Variants in SLC4A4 observed in about 807,000 individuals in gnomAD.
The protein encoded by SLC4A4 is solute carrier family 4 member 4.
A neutral mutation model predicts 111.5 loss-of-function variants in SLC4A4; 27 were observed. The ratio of observed to expected loss-of-function variants is 0.24; its 90% CI spans 0.18 to 0.33. The LOEUF is 0.33. Among genes scored for constraint, SLC4A4 ranks in the 10% least tolerant of loss-of-function variants. The pLI is 1.00. For synonymous variants in SLC4A4, 443 were observed against 463.4 expected (o/e 0.96, Z 0.57); for missense variants, 909 against 1,315.5 (o/e 0.69, Z 4.78).
intron 14 of SLC4A4, among the ~76,000 whole-genome samples, chr4:71,477,991 T>C (rs1728522827): frequency 6.6e-6 from 1 of 151,916 alleles, no homozygotes; most frequent in Non-Finnish European, 1.5e-5. Context: ...AAGAAATTTA[T>C]GCTGCCAACA....
chr4:71,192,287 T>C (rs1282540074), intron 1 of SLC4A4, among the ~76,000 whole-genome samples: 1 of 152,132 alleles, frequency 6.6e-6, no homozygotes, highest in Non-Finnish European at 1.5e-5. Flanking sequence ...ATTTGTCATG[T>C]TCCCCAGCAA....
chr4:71,144,838 G>A (rs1338008825), intron 2 of SLC4A4, among the ~76,000 whole-genome samples: 2 of 152,032 alleles, frequency 1.3e-5, no homozygotes, highest in African/African-American at 2.4e-5. Context: ...CAGCTTAAGG[G>A]GATTTTGGAC....
At chr4:71,085,666 C>A (rs181031862) in intron 1 of SLC4A4, among the ~76,000 whole-genome samples, 4 of 151,958 alleles carry the variant, frequency 2.6e-5, no homozygotes, top group African/African-American at 9.7e-5. Flanking sequence ...ATAGGGAATC[C>A]TTTCCCCATT....
intron 6 of SLC4A4, among the ~76,000 whole-genome samples, chr4:71,388,086 G>C (rs1037328096): frequency 6.6e-6 from 1 of 152,182 alleles, no homozygotes; most frequent in African/African-American, 2.4e-5. Context: ...TTACACCGTT[G>C]ATAGGTTTTC....
intron 2 of SLC4A4, among the ~76,000 whole-genome samples, chr4:71,147,148 T>C (rs1371686363): frequency 6.6e-6 from 1 of 152,190 alleles, no homozygotes; most frequent in African/African-American, 2.4e-5. Context: ...AAGAAGGCCA[T>C]TACATAATGG....
intron 2 of SLC4A4, among the ~76,000 whole-genome samples, chr4:71,176,010 G>A (rs1745084232): frequency 6.6e-6 from 1 of 152,138 alleles, no homozygotes; most frequent in Non-Finnish European, 1.5e-5. Flanking sequence ...AGCAACATTT[G>A]CTGTTCACCA....
rs969000345 is a variant in SLC4A4 at position 71,451,297 on chromosome 4, G to A, written c.1318G>A (p.Gly440Arg). ...GGATTGTGAAGAATTGCAGCGAACT[G>A]GACGGTAACTGACAGTTTCCTTTGC... ...HGDCEELQRT[G>R]RFCGGLIKDI... Residue 440 changes from glycine to arginine, a missense_variant, in exon 11 of 26, where the codon GGA becomes AGA. Gly to Arg is a moderately radical substitution (Grantham distance 125, BLOSUM62 -2). Transcript: ENST00000264485. 10 of 1,597,012 alleles carry A rather than the reference G, an allele frequency of 6.3e-6. No homozygotes were observed. The highest frequency in any genetic ancestry group is 8.6e-6 in the Non-Finnish European group (10 of 1,164,476).
At chr4:71,315,562 G>C (rs1009011826) in intron 3 of SLC4A4, among the ~76,000 whole-genome samples, 50 of 152,046 alleles carry the variant, frequency 3.3e-4, no homozygotes, top group Admixed American at 2.4e-3. Context: ...TTTCAGACTG[G>C]GCTCTAAGTA....
In SLC4A4 at chr4:71,568,036, C is replaced by A; in HGVS notation, c.*285C>A. 1.6e-6 allele frequency: 1 copy of A among 620,976 alleles called. No homozygotes were observed. The highest frequency in any genetic ancestry group is 2.9e-6 in the Non-Finnish European group (1 of 345,262). The allele number at this position is 620,976 out of a possible 1,614,324, so 38.5% of individuals were successfully genotyped here. ...CAGCGCTCTCTCTGCTTCTCTCTTG[C>A]ATAGACACAATCAAGACAATAGTGC... On this transcript the variant is annotated 3_prime_UTR_variant, in exon 26 of 26. Coordinates refer to ENST00000264485, the MANE Select transcript of SLC4A4 (RefSeq NM_001098484.3).
At position 71,567,007 on chromosome 4, in the gene SLC4A4, A is replaced by G. The variant is rs1349642570; in HGVS notation, c.3200A>G (p.Glu1067Gly). The part of the protein sequence containing the change: ...FLSDSKPSDR[E>G]RSPTFLERHT... ...TTTAAAAAATTTTATTTTCCAGGAGAAAGATCACCAACATTCCTTGAACGC... is the reference window on the plus strand; with the variant it reads ...TTTAAAAAATTTTATTTTCCAGGAGGAAGATCACCAACATTCCTTGAACGC... Residue 1067 changes from glutamate (E) to glycine (G), a missense_variant, in exon 25 of 26, where the codon GAA becomes GGA. Around this residue, in one of 7 missense-constraint regions of SLC4A4, gnomAD observed 85 missense variants for 79.8 expected, o/e 1.07. Transcript: ENST00000264485. 22 of 1,609,266 alleles carry G rather than the reference A, an allele frequency of 1.4e-5. No homozygotes were observed. Among genetic ancestry groups the G allele is most frequent in the African/African-American group, 2.7e-5 (2 of 74,624 alleles).
At chr4:71,435,091 G>A (rs979917821) in intron 7 of SLC4A4, among the ~76,000 whole-genome samples, 10 of 150,148 alleles carry the variant, frequency 6.7e-5, no homozygotes, top group African/African-American at 1.7e-4. Flanking sequence ...ACATGGAACC[G>A]CATATCCAAG....
chr4:71,160,047 C>T (rs983267237), intron 2 of SLC4A4, among the ~76,000 whole-genome samples: 69 of 150,238 alleles, frequency 4.6e-4, no homozygotes, highest in African/African-American at 1.6e-3. Context: ...TTTCTAAGCA[C>T]TTCACATCTA....
At chr4:71,083,650 T>G (rs1318047186) in intron 1 of SLC4A4, among the ~76,000 whole-genome samples, 1 of 151,912 alleles carries the variant, frequency 6.6e-6, no homozygotes, top group Non-Finnish European at 1.5e-5. Flanking sequence ...TAAGGGTTGA[T>G]ATGAGGTTGG....
chr4:71,326,278 T>C lies in SLC4A4; in HGVS notation c.254-13092T>C, dbSNP rs116494322. ...CCACCGTGACAGTCCTTTGATACAT[T>C]GTATGCTTCAAGTTTATAAGGATGA... On this transcript the variant is annotated intron_variant, in intron 3 of 25. Transcript: ENST00000264485. Among the ~76,000 whole-genome samples, 763 of 152,022 alleles carry C rather than the reference T, an allele frequency of 5.0e-3. 8 individuals carry two copies. The highest frequency in any genetic ancestry group is 0.017 in the African/African-American group (689 of 41,512).
intron 1 of SLC4A4, among the ~76,000 whole-genome samples, chr4:71,192,355 C>A (rs1745770422): frequency 6.6e-6 from 1 of 152,128 alleles, no homozygotes; most frequent in South Asian, 2.1e-4. Context: ...AAAAAGAATT[C>A]ACTTTACTCC....
At chr4:71,095,059 C>G (rs1471810533) in intron 2 of SLC4A4, among the ~76,000 whole-genome samples, 1 of 152,176 alleles carries the variant, frequency 6.6e-6, no homozygotes, top group Non-Finnish European at 1.5e-5. Flanking sequence ...CAGGAGCATA[C>G]TGTTTAATCA....
intron 1 of SLC4A4, among the ~76,000 whole-genome samples, chr4:71,077,495 C>T (rs1741868055): frequency 6.6e-6 from 1 of 152,120 alleles, no homozygotes; most frequent in Non-Finnish European, 1.5e-5. Context: ...GTTTCTATCT[C>T]GTTCTACCTA....
intron 1 of SLC4A4, among the ~76,000 whole-genome samples, chr4:71,064,707 G>A (rs1376489192): frequency 3.3e-5 from 5 of 152,192 alleles, no homozygotes; most frequent in Admixed American, 2.6e-4. Context: ...GACTGGTCAC[G>A]TATTAGGGCA....
chr4:71,288,366 G>A (rs1225846227), intron 3 of SLC4A4, among the ~76,000 whole-genome samples: 2 of 151,934 alleles, frequency 1.3e-5, no homozygotes, highest in Non-Finnish European at 2.9e-5. Context: ...TGATGGTCTA[G>A]CCTGAAATCA....
Sources: allele counts gnomAD v4.1 joint callset (sites outside exome capture counted in the v4.1 genomes callset), GRCh38; gene constraint gnomAD v4.1.1; regional missense constraint gnomAD v4.1.1; transcripts MANE v1.5; gene names NCBI Gene and HGNC (gene_info 2026-07-23, HGNC 2026-07-21).